Variants in CDIN1 observed in about 807,000 individuals in gnomAD.
The protein encoded by CDIN1 is CDAN1-interacting nuclease 1.
In CDIN1, 33 loss-of-function variants were observed where a neutral mutation model predicts 45.3. The ratio of observed to expected loss-of-function variants is 0.73; its 90% confidence interval spans 0.55 to 0.97. The LOEUF is 0.97. CDIN1 is among the 50% of genes least tolerant of loss of function. The pLI, the probability that CDIN1 is intolerant of heterozygous loss-of-function variation, is 0.00. For missense variants in CDIN1, 303 were observed against 339.4 expected, an observed-to-expected ratio of 0.89 and a Z score of 0.84; for synonymous variants, 118 against 124.4, an observed-to-expected ratio of 0.95 and a Z score of 0.34.
intron 1 of CDIN1, among the ~76,000 whole-genome samples, chr15:36,628,202 CT>C (rs2039528760): frequency 6.6e-6 from 1 of 152,004 alleles, no homozygotes; most frequent in East Asian, 1.9e-4. Context: ...TCCGTTAGCC[CT>C]TTTGTGGTCA....
At chr15:36,644,878 G>A (rs1297673506) in intron 2 of CDIN1, among the ~76,000 whole-genome samples, 1 of 152,160 alleles carries the variant, frequency 6.6e-6, no homozygotes, top group African/African-American at 2.4e-5. Context: ...ATTGAATCGA[G>A]GGAAAATTAA....
chr15:36,758,600 C>A (rs550358953), intron 10 of CDIN1, among the ~76,000 whole-genome samples: 70 of 152,256 alleles, frequency 4.6e-4, no homozygotes, highest in African/African-American at 1.6e-3. Context: ...CACTCCAGAT[C>A]TTTGTAAAGG....
chr15:36,615,679 C>T (rs2038854929), intron 1 of CDIN1, among the ~76,000 whole-genome samples: 1 of 152,174 alleles, frequency 6.6e-6, no homozygotes, highest in South Asian at 2.1e-4. Context: ...CTATTGAGAG[C>T]CCCTGAAACA....
intron 1 of CDIN1, among the ~76,000 whole-genome samples, chr15:36,592,553 C>T (rs1402214849): frequency 6.6e-6 from 1 of 152,210 alleles, no homozygotes; most frequent in African/African-American, 2.4e-5. Context: ...ACTCACACTA[C>T]TACCATGTGT....
At position 36,690,129 on chromosome 15, in the gene CDIN1, G is replaced by C. The variant is rs527416062; in HGVS notation, c.347-1556G>C. Reference sequence around the variant, plus strand: ...ACAAATGGCTAAGTACATAAGTGTTGCTATAAGCATGTAGTTATATGACTA... The same window carrying C: ...ACAAATGGCTAAGTACATAAGTGTTCCTATAAGCATGTAGTTATATGACTA... On this transcript the variant is annotated intron_variant, in intron 5 of 10. Transcript: ENST00000566621. 1.2e-4 allele frequency among the ~76,000 whole-genome samples: 18 copies of C among 152,246 alleles called. No individual in the cohort carries two copies. The South Asian group carries it at 3.7e-3, about 32-fold the overall frequency.
chr15:36,617,997 C>T, intron 1 of CDIN1: 1 of 785,726 alleles, frequency 1.3e-6, no homozygotes, highest in East Asian at 2.5e-5. Context: ...TATGCCTCCC[C>T]AGTCTTTATG....
chr15:36,653,139 C>T (rs1213298784), intron 3 of CDIN1, among the ~76,000 whole-genome samples: 1 of 151,998 alleles, frequency 6.6e-6, no homozygotes, highest in Non-Finnish European at 1.5e-5. Context: ...TTGAGGTAGC[C>T]AAGTAATAGG....
intron 1 of CDIN1, chr15:36,594,978 T>C: frequency 1.1e-6 from 1 of 908,054 alleles, no homozygotes; most frequent in Non-Finnish European, 1.3e-6. Context: ...GACTGTGCTT[T>C]TATTTATTTT....
At chr15:36,664,835 C>G (rs558564134) in intron 5 of CDIN1, among the ~76,000 whole-genome samples, 1 of 152,204 alleles carries the variant, frequency 6.6e-6, no homozygotes, top group Non-Finnish European at 1.5e-5. Context: ...CCTGAGCCAC[C>G]GCGCCCAGCC....
intron 10 of CDIN1, among the ~76,000 whole-genome samples, chr15:36,804,936 A>G (rs1474302177): frequency 6.6e-6 from 1 of 151,786 alleles, no homozygotes; most frequent in African/African-American, 2.4e-5. Context: ...CAGCCTCCCA[A>G]AGTGCTGGGA....
intron 10 of CDIN1, among the ~76,000 whole-genome samples, chr15:36,738,879 G>A (rs2381891): frequency 0.77 from 117,784 of 152,172 alleles, 46,239 homozygotes; most frequent in East Asian, 0.96. Flanking sequence ...TAGGATTAAA[G>A]TAATAAGAGC....
chr15:36,711,202 T>C (rs2043044488), intron 10 of CDIN1, among the ~76,000 whole-genome samples: 1 of 152,066 alleles, frequency 6.6e-6, no homozygotes, highest in Non-Finnish European at 1.5e-5. Context: ...TTTGGAAGTA[T>C]AGGGAAAGCA....
Position 36,808,612 on chromosome 15 carries a change from A to C in CDIN1, c.*159A>C. 1 of 1,003,036 alleles carries C rather than the reference A, an allele frequency of 1.0e-6. No homozygotes were observed. Among genetic ancestry groups the C allele is most frequent in the Non-Finnish European group, 1.4e-6 (1 of 698,442 alleles). The allele number at this position is 1,003,036 out of a possible 1,614,324, so 62.1% of individuals were successfully genotyped here. On this transcript the variant is annotated 3_prime_UTR_variant, in exon 11 of 11. Coordinates refer to ENST00000566621, the MANE Select transcript of CDIN1 (RefSeq NM_001321759.2). The stretch of plus-strand genomic sequence containing the variant: ...TACCTCTTTAGACAAACATATCAAG[A>C]GTTTCTGTTTTCCTTCATCCCTTGC...
chr15:36,689,167 A>C (rs184493129), intron 5 of CDIN1, among the ~76,000 whole-genome samples: 168 of 152,362 alleles, frequency 1.1e-3, no homozygotes, highest in Non-Finnish European at 1.8e-3. Flanking sequence ...CCTGATAAGC[A>C]TACCACTGTT....
At chr15:36,687,768 G>T (rs185776978) in intron 5 of CDIN1, among the ~76,000 whole-genome samples, 1 of 152,084 alleles carries the variant, frequency 6.6e-6, no homozygotes, top group East Asian at 1.9e-4. Flanking sequence ...TAACCTACTA[G>T]ACATATCTGA....
Position 36,579,679 on chromosome 15 carries a change from G to A in CDIN1, c.-182G>A. 3.6e-6 allele frequency: 2 copies of A among 562,632 alleles called. No individual in the cohort carries two copies. The highest frequency in any genetic ancestry group is 3.3e-5 in the Admixed American group (1 of 30,086). The allele number at this position is 562,632 out of a possible 1,614,324, so 34.9% of individuals were successfully genotyped here. ...GGAGGTGCCGGTGGAGCCTGGGACC[G>A]GGCGAGTCTCCGCCCCGCTTTTGCA... is the stretch of plus-strand genomic sequence containing the variant. On this transcript the variant is annotated 5_prime_UTR_variant, in exon 1 of 11. Transcript: ENST00000566621.
At chr15:36,617,360 G>A (rs1371175112) in intron 1 of CDIN1, 10 of 1,563,978 alleles carry the variant, frequency 6.4e-6, no homozygotes, top group Non-Finnish European at 8.8e-6. Flanking sequence ...TCAACTGATG[G>A]GATGATTTTA....
intron 10 of CDIN1, among the ~76,000 whole-genome samples, chr15:36,718,181 A>G (rs1487350313): frequency 1.3e-5 from 2 of 152,116 alleles, no homozygotes; most frequent in African/African-American, 2.4e-5. Flanking sequence ...TCAGTTGTTC[A>G]TATACGTGTG....
At chr15:36,726,241 A>G (rs1204280164) in intron 10 of CDIN1, among the ~76,000 whole-genome samples, 1 of 151,938 alleles carries the variant, frequency 6.6e-6, no homozygotes, top group African/African-American at 2.4e-5. Flanking sequence ...TTCTCTTCCT[A>G]TTTTCTCCAC....
Sources: gnomAD v4.1 joint callset for allele counts (sites outside exome capture counted in the v4.1 genomes callset) on GRCh38, gnomAD v4.1.1 for gene constraint, MANE v1.5 for transcripts, NCBI Gene and HGNC (gene_info 2026-07-23, HGNC 2026-07-21) for gene names.